IGSF21: variants seen among roughly 807,000 people sequenced by gnomAD.
IGSF21 encodes immunoglobin superfamily member 21, also known as immunoglobulin superfamily member 21.
IGSF21 carries 28 observed loss-of-function variants against 46.8 expected under a neutral mutation model. The ratio of observed to expected loss-of-function variants is 0.60; its 90% CI spans 0.44 to 0.82. The LOEUF (loss-of-function observed/expected upper bound fraction) is 0.82, where lower values mean the gene tolerates loss of function less well. Among genes scored for constraint, IGSF21 ranks in the 40% least tolerant of loss-of-function variants. The pLI, the probability that IGSF21 is intolerant of heterozygous loss-of-function variation, is 0.00. For missense variants in IGSF21, 624 were observed against 665.5 expected (o/e 0.94, Z 0.69); for synonymous variants, 284 against 273.6 (o/e 1.04, Z -0.38).
intron 1 of IGSF21, among the ~76,000 whole-genome samples, chr1:18,220,684 T>C (rs1267715861): frequency 6.6e-6 from 1 of 152,020 alleles, no homozygotes; most frequent in Non-Finnish European, 1.5e-5. Context: ...TTGAGGACTA[T>C]GGAAGTTTGA....
chr1:18,291,239 T>G (rs2085263350), intron 2 of IGSF21, among the ~76,000 whole-genome samples: 1 of 152,156 alleles, frequency 6.6e-6, no homozygotes, highest in Non-Finnish European at 1.5e-5. Flanking sequence ...CTTCTCCCAC[T>G]TCCGCATTCT....
intron 3 of IGSF21, among the ~76,000 whole-genome samples, chr1:18,307,084 G>A (rs2085433847): frequency 6.6e-6 from 1 of 152,200 alleles, no homozygotes; most frequent in Non-Finnish European, 1.5e-5. Context: ...GAGGTTTGGG[G>A]AGGCTCAGTT....
intron 2 of IGSF21, among the ~76,000 whole-genome samples, chr1:18,281,171 G>A (rs1227091465): frequency 3.9e-5 from 6 of 152,230 alleles, no homozygotes; most frequent in African/African-American, 1.4e-4. Flanking sequence ...GAATGAACAG[G>A]TGAGTGAATG....
intron 3 of IGSF21, among the ~76,000 whole-genome samples, chr1:18,315,051 A>T (rs2085526984): frequency 6.6e-6 from 1 of 152,142 alleles, no homozygotes; most frequent in South Asian, 2.1e-4. Flanking sequence ...GAGAGCAGGG[A>T]CAAGGGCCAG....
At chr1:18,268,359 T>A (rs553703880) in intron 2 of IGSF21, among the ~76,000 whole-genome samples, 62 of 152,336 alleles carry the variant, frequency 4.1e-4, no homozygotes, top group African/African-American at 1.4e-3. Flanking sequence ...CTCAACAGCT[T>A]CTTACCACAA....
chr1:18,308,295 G>A (rs1261767054), intron 3 of IGSF21, among the ~76,000 whole-genome samples: 1 of 152,184 alleles, frequency 6.6e-6, no homozygotes, highest in African/African-American at 2.4e-5. Flanking sequence ...CTTTCCAAGT[G>A]CAGCCCATGC....
chr1:18,188,035 G>A (rs563581480), intron 1 of IGSF21, among the ~76,000 whole-genome samples: 7 of 152,272 alleles, frequency 4.6e-5, no homozygotes, highest in South Asian at 4.1e-4. Flanking sequence ...GTGAATCCAC[G>A]TATGCCTCAA....
At chr1:18,355,608 A>G (rs2086007464) in intron 4 of IGSF21, among the ~76,000 whole-genome samples, 1 of 129,948 alleles carries the variant, frequency 7.7e-6, no homozygotes, top group Non-Finnish European at 1.6e-5. Context: ...CCCTTAAGGC[A>G]CAGTAAAAAA....
chr1:18,330,566 T>A (rs12022555), intron 3 of IGSF21, among the ~76,000 whole-genome samples: 1 of 84,892 alleles, frequency 1.2e-5, no homozygotes, highest in Non-Finnish European at 2.0e-5. Flanking sequence ...GGCAGGGGCG[T>A]GGGAGAAGGG....
intron 4 of IGSF21, among the ~76,000 whole-genome samples, chr1:18,342,747 T>C (rs2085855956): frequency 6.6e-6 from 1 of 152,250 alleles, no homozygotes; most frequent in Non-Finnish European, 1.5e-5. Flanking sequence ...TTCATCCATA[T>C]TGTAGCAGGT....
rs904242876 is a variant in IGSF21 at position 18,249,262 on chromosome 1, TG to T, written c.183+21255del. ...TCCTTGAACTGGGATTAGGGGAGGG[TG>T]GGAGGTGTAAGGACAGGGCAAGGGC... On this transcript the variant is annotated intron_variant, in intron 2 of 9. Coordinates refer to ENST00000251296, the MANE Select transcript of IGSF21 (RefSeq NM_032880.5). 5.3e-5 allele frequency among the ~76,000 whole-genome samples: 8 copies of T among 151,298 alleles called. No homozygotes were observed. In the East Asian group the frequency reaches 5.9e-4, roughly 11 times the overall value.
intron 8 of IGSF21, 112 bp from the exon 9 acceptor site, chr1:18,377,281 A>C: frequency 1.0e-6 from 1 of 995,668 alleles, no homozygotes; most frequent in Admixed American, 1.7e-5. Context: ...GTGTGGCTGC[A>C]CTGAGACAGT....
rs535298748 is a variant in IGSF21, at chr1:18,271,739, G to A, written c.184-20127G>A. Among the ~76,000 whole-genome samples the A allele has an allele frequency of 3.3e-5, 5 of 152,312 alleles. No homozygotes were observed. In the South Asian group the frequency reaches 1.0e-3, roughly 32 times the overall value. ...CTCAGTCTTGGGCTCAAACCCACCT[G>A]TGCCACTTCTTAGCTGGGTGGCCTC... On this transcript the variant is annotated intron_variant, in intron 2 of 9. Coordinates refer to ENST00000251296, the MANE Select transcript of IGSF21 (RefSeq NM_032880.5).
intron 2 of IGSF21, among the ~76,000 whole-genome samples, chr1:18,263,430 C>T (rs2084964471): frequency 2.0e-5 from 3 of 151,576 alleles, no homozygotes; most frequent in Admixed American, 2.0e-4. Flanking sequence ...TGTAACGGGT[C>T]CAGTTTTGAA....
chr1:18,365,615 A>T lies in IGSF21; in HGVS notation c.933A>T (p.Pro311=). The T allele has an allele frequency of 6.2e-7, 1 of 1,614,106 alleles. No individual in the cohort carries two copies. The highest frequency in any genetic ancestry group is 8.5e-7 in the Non-Finnish European group (1 of 1,180,034). ...VRALLTWTLN[P]QIDNEALFSC... Reference sequence around the variant, plus strand: ...CCCTGCTCACCTGGACCCTCAACCCACAGATCGACAACGAGGCCCTCTTCA... The same window carrying T: ...CCCTGCTCACCTGGACCCTCAACCCTCAGATCGACAACGAGGCCCTCTTCA... Residue 311 remains proline (P), a synonymous_variant, in exon 6 of 10, where the codon CCA becomes CCT. Coordinates refer to ENST00000251296, the MANE Select transcript of IGSF21 (RefSeq NM_032880.5). The surrounding 1 kb of genome is among the most constrained non-coding windows in gnomAD (Gnocchi z 4.8).
intron 1 of IGSF21, among the ~76,000 whole-genome samples, chr1:18,224,129 G>A (rs143990543): frequency 2.6e-5 from 4 of 152,274 alleles, no homozygotes; most frequent in Non-Finnish European, 4.4e-5. Flanking sequence ...GCAATGAGAC[G>A]GTGTCCTTTA....
At chr1:18,112,923 A>G (rs370909271) in intron 1 of IGSF21, 2 of 152,332 alleles carry the variant, frequency 1.3e-5, no homozygotes, top group East Asian at 3.9e-4. Context: ...AAGATGAACG[A>G]CAATCTATTT....
At chr1:18,313,563 C>T (rs557716991) in intron 3 of IGSF21, among the ~76,000 whole-genome samples, 2 of 152,286 alleles carry the variant, frequency 1.3e-5, no homozygotes, top group South Asian at 4.1e-4. Flanking sequence ...GGATAGGGGG[C>T]TGGTGATGAT....
intron 1 of IGSF21, among the ~76,000 whole-genome samples, chr1:18,160,320 A>G (rs930781418): frequency 4.6e-5 from 7 of 152,204 alleles, no homozygotes; most frequent in African/African-American, 1.7e-4. Context: ...GGCTAAACCT[A>G]CTTTATCAGA....
Sources: allele counts gnomAD v4.1 joint callset (sites outside exome capture counted in the v4.1 genomes callset), GRCh38; gene constraint gnomAD v4.1.1; non-coding constraint Gnocchi (gnomAD v3.1); transcripts MANE v1.5; gene names NCBI Gene and HGNC (gene_info 2026-07-23, HGNC 2026-07-21).